Variants in NAALADL2 observed in about 807,000 individuals in gnomAD.
NAALADL2 encodes the protein N-acetylated alpha-linked acidic dipeptidase like 2, also known as inactive N-acetylated-alpha-linked acidic dipeptidase-like protein 2.
In NAALADL2, 76 loss-of-function variants were observed where a neutral mutation model predicts 87.2. That is an observed-to-expected ratio of 0.87 (90% CI 0.72 to 1.05). NAALADL2 has a LOEUF of 1.05. NAALADL2 is among the 50% of genes least tolerant of loss of function. NAALADL2 has a pLI of 0.00. For synonymous variants in NAALADL2, 354 were observed against 331.0 expected, an observed-to-expected ratio of 1.07 and a Z score of -0.75; for missense variants, 1,089 against 945.8, an observed-to-expected ratio of 1.15 and a Z score of -1.99.
At chr3:174,738,265 G>A (rs377529171) in intron 3 of NAALADL2, among the ~76,000 whole-genome samples, 99 of 152,190 alleles carry the variant, frequency 6.5e-4, no homozygotes, top group African/African-American at 2.1e-3. Flanking sequence ...GGCTTAATAC[G>A]TATAAAACTT....
chr3:175,683,313 A>G (rs925054913), intron 11 of NAALADL2, among the ~76,000 whole-genome samples: 7 of 151,994 alleles, frequency 4.6e-5, no homozygotes, highest in African/African-American at 1.4e-4. Flanking sequence ...ATTTTGGTCA[A>G]ATTTAGCACA....
chr3:175,299,966 T>C (rs1756842827), intron 4 of NAALADL2, among the ~76,000 whole-genome samples: 1 of 152,348 alleles, frequency 6.6e-6, no homozygotes, highest in Non-Finnish European at 1.5e-5. Flanking sequence ...GGTCCATCAA[T>C]ACATAGTTTA....
chr3:175,774,704 G>A (rs1485718210), intron 13 of NAALADL2, among the ~76,000 whole-genome samples: 1 of 152,006 alleles, frequency 6.6e-6, no homozygotes, highest in Non-Finnish European at 1.5e-5. Flanking sequence ...GCAATGTGTG[G>A]CTACTGATAA....
intron 5 of NAALADL2, among the ~76,000 whole-genome samples, chr3:175,446,458 T>C (rs1560565476): frequency 6.6e-6 from 1 of 152,152 alleles, no homozygotes. Flanking sequence ...GCCAGGCTAG[T>C]CTTGAAATCC....
chr3:175,782,743 C>A (rs1751328861), intron 13 of NAALADL2, among the ~76,000 whole-genome samples: 1 of 141,352 alleles, frequency 7.1e-6, no homozygotes. Flanking sequence ...TCTTTTGTTG[C>A]CATTGCTTTT....
chr3:175,494,681 C>T (rs948364624), intron 9 of NAALADL2, among the ~76,000 whole-genome samples: 1 of 152,086 alleles, frequency 6.6e-6, no homozygotes, highest in Non-Finnish European at 1.5e-5. Flanking sequence ...CCACAGGTAC[C>T]GATTTCCAAT....
At chr3:174,654,051 A>G (rs563964431) in intron 2 of NAALADL2, among the ~76,000 whole-genome samples, 8 of 145,268 alleles carry the variant, frequency 5.5e-5, no homozygotes, top group African/African-American at 1.9e-4. Context: ...ATTTAGTAAT[A>G]AGATGGCTTT....
chr3:175,305,349 T>C (rs1757579198), intron 4 of NAALADL2, among the ~76,000 whole-genome samples: 1 of 151,962 alleles, frequency 6.6e-6, no homozygotes, highest in African/African-American at 2.4e-5. Context: ...ACTGTTAAAT[T>C]CCTGTATGTT....
At chr3:175,548,131 G>A (rs1321047151) in intron 9 of NAALADL2, among the ~76,000 whole-genome samples, 3 of 152,022 alleles carry the variant, frequency 2.0e-5, no homozygotes, top group Non-Finnish European at 4.4e-5. Flanking sequence ...ATTCAACATA[G>A]CAAAGACATG....
intron 1 of NAALADL2, among the ~76,000 whole-genome samples, chr3:174,872,948 A>C (rs369038320): frequency 6.6e-6 from 1 of 152,156 alleles, no homozygotes; most frequent in African/African-American, 2.4e-5. Flanking sequence ...CTGGGAGTTT[A>C]TATTGACTTT....
At chr3:175,410,027 A>C (rs1352930444) in intron 5 of NAALADL2, among the ~76,000 whole-genome samples, 1 of 152,112 alleles carries the variant, frequency 6.6e-6, no homozygotes, top group East Asian at 1.9e-4. Flanking sequence ...ACATAATTGT[A>C]TAAGGATTAA....
At chr3:174,627,062 C>T (rs1721644172) in intron 2 of NAALADL2, among the ~76,000 whole-genome samples, 1 of 152,050 alleles carries the variant, frequency 6.6e-6, no homozygotes, top group South Asian at 2.1e-4. Context: ...ACTTATGGTT[C>T]ATGGTCTGTG....
At chr3:175,618,372 A>G (rs955112336) in intron 10 of NAALADL2, among the ~76,000 whole-genome samples, 1 of 152,162 alleles carries the variant, frequency 6.6e-6, no homozygotes, top group Non-Finnish European at 1.5e-5. Context: ...GTAGGGAGAA[A>G]GGGGTGGACT....
chr3:175,430,699 T>A (rs1248622876), intron 5 of NAALADL2, among the ~76,000 whole-genome samples: 1 of 152,056 alleles, frequency 6.6e-6, no homozygotes, highest in Non-Finnish European at 1.5e-5. Context: ...TTGCTAAATA[T>A]CTGAGAGTAG....
At chr3:175,438,016 A>G (rs1255943315) in intron 5 of NAALADL2, among the ~76,000 whole-genome samples, 1 of 152,018 alleles carries the variant, frequency 6.6e-6, no homozygotes, top group Non-Finnish European at 1.5e-5. Flanking sequence ...CTATGTCTTT[A>G]TTTTTACAAT....
At chr3:175,059,202 T>TC (rs907129203) in intron 1 of NAALADL2, among the ~76,000 whole-genome samples, 8 of 151,632 alleles carry the variant, frequency 5.3e-5, no homozygotes, top group African/African-American at 2.0e-4. Context: ...ATCTCTTTTT[T>TC]CCCACAAGTT....
intron 2 of NAALADL2, among the ~76,000 whole-genome samples, chr3:174,732,629 A>C (rs973839023): frequency 6.6e-5 from 10 of 152,156 alleles, no homozygotes; most frequent in African/African-American, 2.2e-4. Flanking sequence ...TATTTGAAGT[A>C]GATAGGCTTA....
At chr3:175,148,093 T>TAAC (rs1209057495) in intron 2 of NAALADL2, among the ~76,000 whole-genome samples, 2 of 125,364 alleles carry the variant, frequency 1.6e-5, no homozygotes, top group Non-Finnish European at 3.2e-5. Context: ...ATGATAATGA[T>TAAC]AATAATAATA....
chr3:175,028,789 A>C (rs1304422961), intron 1 of NAALADL2, among the ~76,000 whole-genome samples: 2 of 151,890 alleles, frequency 1.3e-5, no homozygotes, highest in Non-Finnish European at 2.9e-5. Flanking sequence ...TAGAAGCTAA[A>C]ATTTGGGAAA....
Sources: gnomAD v4.1 joint callset for allele counts (sites outside exome capture counted in the v4.1 genomes callset) on GRCh38, gnomAD v4.1.1 for gene constraint, MANE v1.5 for transcripts, NCBI Gene and HGNC (gene_info 2026-07-23, HGNC 2026-07-21) for gene names.